RBFOX1: variants seen among roughly 807,000 people sequenced by gnomAD.
The protein encoded by RBFOX1 is RNA binding protein fox-1 homolog 1.
Under a neutral mutation model 57.7 loss-of-function variants are expected in RBFOX1, and 8 were observed. The ratio of observed to expected loss-of-function variants is 0.14; its 90% confidence interval spans 0.08 to 0.25. RBFOX1 has a LOEUF of 0.25. Ranked by LOEUF, RBFOX1 falls within the 10% of genes least tolerant of loss-of-function variation. The probability of loss-of-function intolerance (pLI) is 1.00; values close to 1 mark genes in which losing one functional copy is unlikely to be tolerated. For synonymous variants in RBFOX1, 326 were observed against 222.4 expected, an observed-to-expected ratio of 1.47 and a Z score of -4.15; for missense variants, 611 against 548.5, an observed-to-expected ratio of 1.11 and a Z score of -1.14.
intron 3 of RBFOX1, among the ~76,000 whole-genome samples, chr16:6,806,674 A>G (rs777738180): frequency 6.9e-4 from 105 of 151,452 alleles, no homozygotes; most frequent in Non-Finnish European, 1.4e-3. Flanking sequence ...CGCTAAAATG[A>G]TAATATTGAT....
At chr16:7,516,387 C>T (rs868382547) in intron 4 of RBFOX1, among the ~76,000 whole-genome samples, 3 of 151,958 alleles carry the variant, frequency 2.0e-5, no homozygotes, top group Admixed American at 6.6e-5. Flanking sequence ...CATCTCGTAG[C>T]GACTGGGAGC....
At chr16:7,603,958 G>C (rs1223895579) in intron 9 of RBFOX1, among the ~76,000 whole-genome samples, 1 of 152,110 alleles carries the variant, frequency 6.6e-6, no homozygotes, top group Non-Finnish European at 1.5e-5. Flanking sequence ...GTGAGAATTA[G>C]GGCATTTCTG....
At chr16:7,408,843 T>G (rs1344381361) in intron 4 of RBFOX1, among the ~76,000 whole-genome samples, 2 of 151,678 alleles carry the variant, frequency 1.3e-5, no homozygotes, top group Non-Finnish European at 2.9e-5. Context: ...CCCTAAGGCA[T>G]GGGGGCAGGG....
At chr16:6,138,220 C>T (rs1037270622) in intron 1 of RBFOX1, among the ~76,000 whole-genome samples, 2 of 152,192 alleles carry the variant, frequency 1.3e-5, no homozygotes, top group African/African-American at 4.8e-5. Context: ...CCCAGCCACA[C>T]CCTGCACTTG....
At chr16:7,128,891 G>C (rs1158227471) in intron 4 of RBFOX1, among the ~76,000 whole-genome samples, 1 of 148,896 alleles carries the variant, frequency 6.7e-6, no homozygotes, top group Non-Finnish European at 1.5e-5. Context: ...TGCAATCTCG[G>C]CTCACTGCAA....
intron 2 of RBFOX1, among the ~76,000 whole-genome samples, chr16:6,494,798 A>G (rs554386539): frequency 2.0e-4 from 30 of 152,372 alleles, no homozygotes; most frequent in African/African-American, 7.2e-4. Context: ...GATACAAGGA[A>G]AAAAGAAAAT....
chr16:7,550,780 T>C (rs1302277752), intron 5 of RBFOX1, among the ~76,000 whole-genome samples: 1 of 152,090 alleles, frequency 6.6e-6, no homozygotes, highest in African/African-American at 2.4e-5. Flanking sequence ...AATGACTACC[T>C]GTCTTCACCC....
At chr16:7,497,301 C>T (rs576364285) in intron 4 of RBFOX1, among the ~76,000 whole-genome samples, 1 of 152,130 alleles carries the variant, frequency 6.6e-6, no homozygotes, top group African/African-American at 2.4e-5. Context: ...TTCTTTTATG[C>T]CCTGATGCTG....
At chr16:5,305,232 C>A (rs989103425) in intron 1 of RBFOX1, among the ~76,000 whole-genome samples, 7 of 152,168 alleles carry the variant, frequency 4.6e-5, no homozygotes, top group Admixed American at 3.3e-4. Context: ...TGCTACACTT[C>A]ATTACATAAG....
At chr16:5,404,841 A>C (rs556797294) in intron 1 of RBFOX1, among the ~76,000 whole-genome samples, 2 of 152,324 alleles carry the variant, frequency 1.3e-5, no homozygotes, top group South Asian at 4.1e-4. Flanking sequence ...GAGAGCGACA[A>C]AGCCATGAAA....
chr16:6,789,384 C>G (rs756995998), intron 3 of RBFOX1, among the ~76,000 whole-genome samples: 4 of 152,080 alleles, frequency 2.6e-5, no homozygotes, highest in Admixed American at 2.6e-4. Context: ...TTAAGGGGTC[C>G]TAGGTGTTAA....
intron 2 of RBFOX1, among the ~76,000 whole-genome samples, chr16:6,381,358 G>C (rs145856001): frequency 4.6e-5 from 7 of 152,130 alleles, no homozygotes; most frequent in African/African-American, 1.2e-4. Flanking sequence ...GATCTCCAGT[G>C]TCTATTATTC....
At chr16:6,108,351 C>G (rs1357718339) in intron 1 of RBFOX1, among the ~76,000 whole-genome samples, 1 of 152,042 alleles carries the variant, frequency 6.6e-6, no homozygotes. Flanking sequence ...TCTCTGTTTC[C>G]TATTCTGTGA....
At chr16:5,939,701 T>A (rs8056085) in intron 4 of RBFOX1, among the ~76,000 whole-genome samples, 81,729 of 150,720 alleles carry the variant, frequency 0.54, 22,665 homozygotes, top group Middle Eastern at 0.69. Context: ...CTCCATTTTT[T>A]AAAAAAAAAA....
chr16:5,600,433 C>T (rs1281698050), downstream of RBFOX1, among the ~76,000 whole-genome samples: 2 of 145,640 alleles, frequency 1.4e-5, no homozygotes, highest in African/African-American at 5.2e-5. Flanking sequence ...CTGCAGTGAG[C>T]TATGATTATG....
intron 3 of RBFOX1, among the ~76,000 whole-genome samples, chr16:6,792,452 C>T (rs1327618482): frequency 1.3e-5 from 2 of 152,076 alleles, no homozygotes; most frequent in Non-Finnish European, 2.9e-5. Flanking sequence ...CTGTTCATAC[C>T]TTCCAGAAAG....
At chr16:5,579,933 T>C (rs67959338) in intron 2 of RBFOX1, among the ~76,000 whole-genome samples, 102 of 151,808 alleles carry the variant, frequency 6.7e-4, no homozygotes, top group African/African-American at 2.3e-3. Context: ...CTAATTTTTT[T>C]CTTTTTTTTG....
chr16:5,948,937 A>G (rs975335183), intron 4 of RBFOX1, among the ~76,000 whole-genome samples: 1 of 152,156 alleles, frequency 6.6e-6, no homozygotes, highest in African/African-American at 2.4e-5. Context: ...CAGATGTTTC[A>G]ATGATTTCGT....
At chr16:6,846,135 C>A (rs550039245) in intron 3 of RBFOX1, among the ~76,000 whole-genome samples, 1 of 152,156 alleles carries the variant, frequency 6.6e-6, no homozygotes, top group Non-Finnish European at 1.5e-5. Flanking sequence ...GTATATCAGA[C>A]TTGTTGCCTA....
Sources: allele counts gnomAD v4.1 joint callset (sites outside exome capture counted in the v4.1 genomes callset), GRCh38; gene constraint gnomAD v4.1.1; transcripts MANE v1.5; gene names NCBI Gene and HGNC (gene_info 2026-07-23, HGNC 2026-07-21).